Variants in ATXN1 observed in about 807,000 individuals in gnomAD.
ATXN1 encodes ataxin 1.
ATXN1 carries 8 observed loss-of-function variants against 56.4 expected under a neutral mutation model. The ratio of observed to expected loss-of-function variants is 0.14; its 90% CI spans 0.08 to 0.26. The LOEUF is 0.26. ATXN1 is among the 10% of genes least tolerant of loss of function. The pLI is 1.00. For synonymous variants in ATXN1, 514 were observed against 494.6 expected (o/e 1.04, Z -0.52); for missense variants, 987 against 1,106.5 (o/e 0.89, Z 1.53).
intron 6 of ATXN1, among the ~76,000 whole-genome samples, chr6:16,463,625 C>T (rs955980007): frequency 1.3e-5 from 2 of 152,202 alleles, no homozygotes; most frequent in African/African-American, 4.8e-5. Flanking sequence ...GAAAGGAAGA[C>T]TCTGCACCTT....
At chr6:16,367,687 C>T (rs1761951966) in intron 6 of ATXN1, among the ~76,000 whole-genome samples, 3 of 151,812 alleles carry the variant, frequency 2.0e-5, no homozygotes, top group Non-Finnish European at 4.4e-5. Flanking sequence ...AACTGAATGA[C>T]CTGATCTTCT....
intron 6 of ATXN1, among the ~76,000 whole-genome samples, chr6:16,402,468 T>TA (rs1462710653): frequency 6.6e-6 from 1 of 151,918 alleles, no homozygotes; most frequent in Non-Finnish European, 1.5e-5. Flanking sequence ...ACAACTGGCT[T>TA]ATAGCAATTT....
intron 4 of ATXN1, among the ~76,000 whole-genome samples, chr6:16,561,211 T>C (rs1762110570): frequency 6.6e-6 from 1 of 152,214 alleles, no homozygotes; most frequent in East Asian, 1.9e-4. Flanking sequence ...GAGTTCATTC[T>C]GGGCTGTATA....
At chr6:16,701,829 A>G (rs1487277748) in intron 2 of ATXN1, among the ~76,000 whole-genome samples, 1 of 152,230 alleles carries the variant, frequency 6.6e-6, no homozygotes, top group Non-Finnish European at 1.5e-5. Context: ...TCAACGAAAT[A>G]AAAGAGGATA....
chr6:16,448,315 T>C (rs1489006700), intron 6 of ATXN1, among the ~76,000 whole-genome samples: 2 of 152,208 alleles, frequency 1.3e-5, no homozygotes, highest in African/African-American at 4.8e-5. Flanking sequence ...CCCTCCCTGG[T>C]CGCCTTGTCT....
intron 6 of ATXN1, among the ~76,000 whole-genome samples, chr6:16,466,270 A>T (rs1396094411): frequency 1.4e-5 from 2 of 138,766 alleles, no homozygotes; most frequent in African/African-American, 2.7e-5. Flanking sequence ...GTGAGCCGAG[A>T]TTGCGCCACT....
At chr6:16,700,262 T>C (rs996241607) in intron 2 of ATXN1, among the ~76,000 whole-genome samples, 7 of 152,174 alleles carry the variant, frequency 4.6e-5, no homozygotes, top group Admixed American at 1.3e-4. Context: ...TGCTCAACTC[T>C]TGAAGAATAG....
intron 6 of ATXN1, among the ~76,000 whole-genome samples, chr6:16,354,322 A>G (rs535322184): frequency 8.6e-5 from 13 of 151,902 alleles, no homozygotes; most frequent in Non-Finnish European, 1.6e-4. Context: ...CAGTGGTGCA[A>G]TCTCGGCTCA....
At chr6:16,447,273 A>G (rs924790668) in intron 6 of ATXN1, among the ~76,000 whole-genome samples, 1 of 152,188 alleles carries the variant, frequency 6.6e-6, no homozygotes, top group African/African-American at 2.4e-5. Context: ...CACCCACGTT[A>G]GAGTGCAGTG....
intron 6 of ATXN1, among the ~76,000 whole-genome samples, chr6:16,417,441 A>ATTTTTTTTTT (rs1188606545): frequency 2.2e-4 from 30 of 136,432 alleles, no homozygotes; most frequent in South Asian, 8.0e-4. Context: ...CAAGTTTCTT[A>ATTTTTTTTTT]TTTTTTTTTT....
chr6:16,317,938 G>A (rs563600079), intron 7 of ATXN1, among the ~76,000 whole-genome samples: 3 of 152,284 alleles, frequency 2.0e-5, no homozygotes, highest in Non-Finnish European at 2.9e-5. Context: ...TTTTTTAAAT[G>A]TCACCTTCCT....
chr6:16,600,600 G>T (rs531505839), intron 3 of ATXN1, among the ~76,000 whole-genome samples: 1 of 152,130 alleles, frequency 6.6e-6, no homozygotes, highest in African/African-American at 2.4e-5. Context: ...TTCAAGATTC[G>T]TGAGGATTTG....
At chr6:16,732,245 T>G (rs1260829186) in intron 2 of ATXN1, among the ~76,000 whole-genome samples, 1 of 152,100 alleles carries the variant, frequency 6.6e-6, no homozygotes, top group Non-Finnish European at 1.5e-5. Context: ...TTATACTGCT[T>G]GGTGTTACAG....
chr6:16,438,706 C>A (rs1759443063), intron 6 of ATXN1, among the ~76,000 whole-genome samples: 1 of 152,078 alleles, frequency 6.6e-6, no homozygotes, highest in Admixed American at 6.5e-5. Flanking sequence ...ACCTATAAAT[C>A]CAGCCAGGAG....
intron 2 of ATXN1, among the ~76,000 whole-genome samples, chr6:16,688,199 T>C (rs1443988492): frequency 6.6e-6 from 1 of 152,226 alleles, no homozygotes; most frequent in Non-Finnish European, 1.5e-5. Context: ...TGAATTTCCA[T>C]GAGAATGAGA....
Position 16,569,971 on chromosome 6 carries a change from G to A in ATXN1, c.-361+15809C>T, listed in dbSNP as rs537252519. 3.3e-5 allele frequency among the ~76,000 whole-genome samples: 5 copies of A among 152,184 alleles called. No homozygotes were observed. In the South Asian group the frequency reaches 1.0e-3, roughly 32 times the overall value. On this transcript the variant is annotated intron_variant, in intron 4 of 7. Coordinates refer to ENST00000436367, the MANE Select transcript of ATXN1 (RefSeq NM_001128164.2). The stretch of plus-strand genomic sequence containing the variant: ...TGCGATACAAGGACCCTGGGTCAGG[G>A]AATCACCACCATACAGACGCCCTCT...
chr6:16,619,958 T>C (rs1314833913), intron 3 of ATXN1, among the ~76,000 whole-genome samples: 3 of 152,060 alleles, frequency 2.0e-5, no homozygotes, highest in African/African-American at 7.2e-5. Context: ...GCTTATCCTC[T>C]CTGAGCCTCA....
In ATXN1 at chr6:16,317,194, C is replaced by T. The variant is rs1022695830; in HGVS notation, c.1917+9200G>A. Among the ~76,000 whole-genome samples the T allele has an allele frequency of 2.0e-5, 3 of 152,124 alleles. No homozygotes were observed. The South Asian group carries it at 6.2e-4, about 32-fold the overall frequency. On this transcript the variant is annotated intron_variant, in intron 7 of 7. Coordinates refer to ENST00000436367, the MANE Select transcript of ATXN1 (RefSeq NM_001128164.2). ...TGAAAATAAACTCATGGGAGCAGTACCACAGATAACCAAAGCACGTTACAT... is the reference window on the plus strand; with the variant it reads ...TGAAAATAAACTCATGGGAGCAGTATCACAGATAACCAAAGCACGTTACAT...
chr6:16,350,005 C>T (rs1761533552), intron 6 of ATXN1, among the ~76,000 whole-genome samples: 1 of 152,190 alleles, frequency 6.6e-6, no homozygotes, highest in Non-Finnish European at 1.5e-5. Context: ...ACTAGAATCT[C>T]TACAACATTA....
Sources: gnomAD v4.1 joint callset for allele counts (sites outside exome capture counted in the v4.1 genomes callset) on GRCh38, gnomAD v4.1.1 for gene constraint, MANE v1.5 for transcripts, NCBI Gene and HGNC (gene_info 2026-07-23, HGNC 2026-07-21) for gene names.